Variants in GLIPR2 observed in about 807,000 individuals in gnomAD.
The protein encoded by GLIPR2 is Golgi-associated plant pathogenesis-related protein 1.
In GLIPR2, 21 loss-of-function variants were observed where a neutral mutation model predicts 20.4. The ratio of observed to expected loss-of-function variants is 1.03; its 90% CI spans 0.73 to 1.48. GLIPR2 has a LOEUF of 1.48. GLIPR2 is among the 40% of genes most tolerant of loss of function. The pLI is 0.00. For missense variants in GLIPR2, 205 were observed against 200.1 expected (o/e 1.02, Z -0.15); for synonymous variants, 91 against 80.5 (o/e 1.13, Z -0.70).
intron 1 of GLIPR2, among the ~76,000 whole-genome samples, chr9:36,146,719 G>T (rs550186086): frequency 6.6e-6 from 1 of 152,156 alleles, no homozygotes; most frequent in Non-Finnish European, 1.5e-5. Context: ...CAATCTTAAG[G>T]CTGGAGAATA....
chr9:36,160,373 G>A (rs2132792009), intron 4 of GLIPR2, among the ~76,000 whole-genome samples: 1 of 152,230 alleles, frequency 6.6e-6, no homozygotes, highest in Admixed American at 6.5e-5. Flanking sequence ...TGTGCCTGTG[G>A]TCCCAGCTAC....
chr9:36,149,088 T>C (rs1825471047), intron 3 of GLIPR2, among the ~76,000 whole-genome samples: 1 of 152,180 alleles, frequency 6.6e-6, no homozygotes, highest in Non-Finnish European at 1.5e-5. Flanking sequence ...GTGTATTACT[T>C]TTATAATAGG....
At chr9:36,162,197 GCAGT>G in intron 4 of GLIPR2, 161 bp from the exon 5 acceptor site, 2 of 1,513,088 alleles carry the variant, frequency 1.3e-6, no homozygotes, top group South Asian at 1.2e-5. Flanking sequence ...AAGAAGTCAG[GCAGT>G]CAGAGTGTTT....
intron 4 of GLIPR2, among the ~76,000 whole-genome samples, chr9:36,152,882 G>A (rs1226099413): frequency 1.4e-5 from 2 of 146,560 alleles, no homozygotes; most frequent in East Asian, 2.0e-4. Flanking sequence ...GCCAAGGCAG[G>A]CGAATCACTT....
Position 36,162,430 on chromosome 9 carries a change from G to C in GLIPR2, c.373G>C (p.Gly125Arg), listed in dbSNP as rs749051187. The change falls in exon 5 of 5, where the codon GGG becomes CGG. Residue 125 changes from glycine to arginine, a missense_variant. By Grantham distance (125) the Gly-to-Arg change is moderately radical. Coordinates refer to ENST00000377960, the MANE Select transcript of GLIPR2 (RefSeq NM_022343.4). ...MGVGKASASD[G>R]SSFVVARYFP... The stretch of plus-strand genomic sequence containing the variant: ...CGTGGGGAAGGCGTCCGCAAGTGAC[G>C]GGTCCTCCTTTGTGGTGGCCAGATA... 1.2e-6 allele frequency: 2 copies of C among 1,614,086 alleles called. No homozygotes were observed. Among genetic ancestry groups the C allele is most frequent in the South Asian group, 1.1e-5 (1 of 91,056 alleles).
intron 4 of GLIPR2, among the ~76,000 whole-genome samples, chr9:36,156,256 G>T (rs1294000119): frequency 1.3e-5 from 2 of 151,566 alleles, no homozygotes; most frequent in African/African-American, 4.8e-5. Context: ...GGGTGTAGTG[G>T]CACGTGCCTG....
chr9:36,147,661 G>A, intron 1 of GLIPR2, 125 bp from the exon 2 acceptor site: 1 of 682,970 alleles, frequency 1.5e-6, no homozygotes, highest in Non-Finnish European at 2.7e-6. Flanking sequence ...CCAGGTGTTG[G>A]AGGGGAGCAG....
In GLIPR2 at chr9:36,159,947, C is replaced by T. The variant is rs76185669; in HGVS notation, c.305-2415C>T. ...CGCTACTGTACTCCAGTCTGGGCAA[C>T]GGTGAGACTCCGTCTCAAAAATAAA... On this transcript the variant is annotated intron_variant, in intron 4 of 4. Coordinates refer to ENST00000377960, the MANE Select transcript of GLIPR2 (RefSeq NM_022343.4). Among the ~76,000 whole-genome samples the T allele has an allele frequency of 7.4e-3, 1,129 of 152,196 alleles. 14 individuals carry two copies. Among genetic ancestry groups the T allele is most frequent in the African/African-American group, 0.025 (1,044 of 41,512 alleles).
At chr9:36,137,857 G>A (rs1034945030) in intron 1 of GLIPR2, among the ~76,000 whole-genome samples, 1 of 152,274 alleles carries the variant, frequency 6.6e-6, no homozygotes, top group African/African-American at 2.4e-5. Flanking sequence ...TCTGGACTCA[G>A]GAGATGCCAG....
At chr9:36,145,452 C>A (rs1279754954) in intron 1 of GLIPR2, among the ~76,000 whole-genome samples, 2 of 152,196 alleles carry the variant, frequency 1.3e-5, no homozygotes, top group Non-Finnish European at 2.9e-5. Flanking sequence ...TCTTTGAGAG[C>A]AACACATGGC....
At chr9:36,141,463 AGG>A (rs1178301760) in intron 1 of GLIPR2, among the ~76,000 whole-genome samples, 1 of 30,964 alleles carries the variant, frequency 3.2e-5, no homozygotes, top group East Asian at 8.8e-4. Context: ...CCAAGGGGGC[AGG>A]GGGCCTGTTC....
Position 36,145,771 on chromosome 9 carries a change from G to A in GLIPR2, c.14-2015G>A, listed in dbSNP as rs548388129. On this transcript the variant is annotated intron_variant, in intron 1 of 4. Coordinates refer to ENST00000377960, the MANE Select transcript of GLIPR2 (RefSeq NM_022343.4). ...GTGGATGGACAGATGAATGGAAGAT[G>A]TTGGATGGATGGATGGTTCGAGGAT... Among the ~76,000 whole-genome samples, 242 of 152,260 alleles carry A rather than the reference G, an allele frequency of 1.6e-3. 2 individuals are homozygous for A. The highest frequency in any genetic ancestry group is 5.5e-3 in the African/African-American group (228 of 41,538).
chr9:36,151,047 C>G (rs759130484), intron 4 of GLIPR2, 98 bp downstream of exon 4: 2 of 794,986 alleles, frequency 2.5e-6, no homozygotes, highest in Non-Finnish European at 4.4e-6. Context: ...AAAATCAATC[C>G]TTTCCTTCCT....
At chr9:36,152,793 G>A (rs1222796164) in intron 4 of GLIPR2, among the ~76,000 whole-genome samples, 2 of 138,566 alleles carry the variant, frequency 1.4e-5, no homozygotes, top group Non-Finnish European at 3.1e-5. Flanking sequence ...CCACTGCCAC[G>A]TAAGCATCAG....
At chr9:36,158,640 A>G (rs765872846) in intron 4 of GLIPR2, among the ~76,000 whole-genome samples, 25 of 152,210 alleles carry the variant, frequency 1.6e-4, no homozygotes, top group Non-Finnish European at 3.2e-4. Flanking sequence ...TTTAGGAGGG[A>G]ACAATCTCTT....
At chr9:36,147,756 G>A (rs780441006) in intron 1 of GLIPR2, 30 bp from the exon 2 acceptor site, 2 of 961,718 alleles carry the variant, frequency 2.1e-6, no homozygotes, top group South Asian at 2.6e-5. Context: ...TCTCTGCACT[G>A]AGCCATTCTC....
At chr9:36,144,315 T>A (rs1413751758) in intron 1 of GLIPR2, 1 of 152,218 alleles carries the variant, frequency 6.6e-6, no homozygotes, top group East Asian at 1.9e-4. Context: ...GCATAAAATG[T>A]ATTATCTTAA....
intron 4 of GLIPR2, among the ~76,000 whole-genome samples, chr9:36,155,820 C>T (rs1481333394): frequency 6.6e-6 from 1 of 151,700 alleles, no homozygotes; most frequent in African/African-American, 2.4e-5. Flanking sequence ...ATTCCTGTAA[C>T]TCCAGTACTT....
chr9:36,151,965 C>T (rs1377847508), intron 4 of GLIPR2, among the ~76,000 whole-genome samples: 3 of 152,216 alleles, frequency 2.0e-5, no homozygotes, highest in Non-Finnish European at 4.4e-5. Flanking sequence ...CAAGTAGAGC[C>T]TTGCGGCCTT....
Sources: gnomAD v4.1 joint callset for allele counts (sites outside exome capture counted in the v4.1 genomes callset) on GRCh38, gnomAD v4.1.1 for gene constraint, MANE v1.5 for transcripts, NCBI Gene and HGNC (gene_info 2026-07-23, HGNC 2026-07-21) for gene names.